Variants in LRGUK observed in about 807,000 individuals in gnomAD.
The protein encoded by LRGUK is leucine rich repeats and guanylate kinase domain containing.
Under a neutral mutation model 76.0 loss-of-function variants are expected in LRGUK, and 65 were observed. The ratio of observed to expected loss-of-function variants is 0.85; its 90% confidence interval spans 0.70 to 1.05. The LOEUF is 1.05. Among genes scored for constraint, LRGUK ranks in the 50% least tolerant of loss-of-function variants. The probability of loss-of-function intolerance (pLI) is 0.00; values close to 1 mark genes in which losing one functional copy is unlikely to be tolerated. For synonymous variants in LRGUK, 268 were observed against 265.6 expected (o/e 1.01, Z -0.09); for missense variants, 758 against 732.8 (o/e 1.03, Z -0.40).
At chr7:134,156,456 G>A (rs1798463776) in intron 5 of LRGUK, among the ~76,000 whole-genome samples, 1 of 152,102 alleles carries the variant, frequency 6.6e-6, no homozygotes, top group Admixed American at 6.5e-5. Flanking sequence ...TTAAGATATT[G>A]ATTTAATGTG....
At chr7:134,185,465 A>T (rs1799946864) in intron 11 of LRGUK, among the ~76,000 whole-genome samples, 1 of 151,762 alleles carries the variant, frequency 6.6e-6, no homozygotes, top group South Asian at 2.1e-4. Flanking sequence ...GGAGGCTGAG[A>T]CATGAGAATC....
At chr7:134,268,030 C>G (rs951313065), downstream of LRGUK, among the ~76,000 whole-genome samples, 18 of 152,094 alleles carry the variant, frequency 1.2e-4, no homozygotes, top group Non-Finnish European at 2.1e-4. Flanking sequence ...CACTAAATGC[C>G]TACATTAGGC....
At chr7:134,169,133 GACACACACACACACAC>G (rs36204942) in intron 7 of LRGUK, among the ~76,000 whole-genome samples, 4,359 of 135,516 alleles carry the variant, frequency 0.032, 113 homozygotes, top group Non-Finnish European at 0.044. Flanking sequence ...AAGGGAAGAA[GACACACACACACACAC>G]ACACACACAC....
intron 5 of LRGUK, among the ~76,000 whole-genome samples, chr7:134,150,058 G>A (rs1206700890): frequency 2.0e-5 from 3 of 152,082 alleles, no homozygotes; most frequent in African/African-American, 7.2e-5. Flanking sequence ...GGCAGATCAC[G>A]AGGTCAAGAG....
chr7:134,149,908 C>G (rs1235772697), intron 5 of LRGUK, among the ~76,000 whole-genome samples: 1 of 152,084 alleles, frequency 6.6e-6, no homozygotes, highest in African/African-American at 2.4e-5. Context: ...CATTGCAGAC[C>G]TAAGAAATCA....
intron 15 of LRGUK, among the ~76,000 whole-genome samples, chr7:134,206,001 C>A (rs1028964528): frequency 6.6e-6 from 1 of 152,144 alleles, no homozygotes; most frequent in African/African-American, 2.4e-5. Context: ...ACTAAGAGTA[C>A]AAGCTGAATT....
intron 16 of LRGUK, among the ~76,000 whole-genome samples, chr7:134,226,368 G>A (rs1255992206): frequency 6.6e-6 from 1 of 151,984 alleles, no homozygotes; most frequent in Non-Finnish European, 1.5e-5. Flanking sequence ...TGTACATGAG[G>A]CCTTCTCTAT....
intron 16 of LRGUK, among the ~76,000 whole-genome samples, chr7:134,227,814 T>A (rs1305332370): frequency 1.3e-5 from 2 of 152,052 alleles, no homozygotes; most frequent in Admixed American, 6.6e-5. Context: ...GACTGAAAAG[T>A]TGATAAGAAA....
chr7:134,251,105 C>A lies in LRGUK; in HGVS notation c.2198+2029C>A, dbSNP rs187388481. 2.0e-4 allele frequency among the ~76,000 whole-genome samples: 30 copies of A among 152,276 alleles called. No individual in the cohort carries two copies. In the East Asian group the frequency reaches 5.4e-3, roughly 27 times the overall value. On this transcript the variant is annotated intron_variant, in intron 18 of 19. Coordinates refer to the LRGUK transcript ENST00000285928. Reference sequence around the variant, plus strand: ...ATGTGTTATGGTTTGAGCTGTCCCCCATTCCCCCAATTTCATATGTTGGAG... The same window carrying A: ...ATGTGTTATGGTTTGAGCTGTCCCCAATTCCCCCAATTTCATATGTTGGAG...
intron 15 of LRGUK, among the ~76,000 whole-genome samples, 173 bp from the exon 16 acceptor site, chr7:134,221,606 T>C (rs923364681): frequency 3.9e-5 from 6 of 152,178 alleles, no homozygotes; most frequent in Non-Finnish European, 8.8e-5. Context: ...GATTTTATTA[T>C]TATGAGTTAT....
At chr7:134,258,572 A>G (rs1334261032) in intron 19 of LRGUK, among the ~76,000 whole-genome samples, 167 bp downstream of exon 19, 1 of 151,668 alleles carries the variant, frequency 6.6e-6, no homozygotes, top group African/African-American at 2.4e-5. Flanking sequence ...GGTGGTGGGC[A>G]CCTGTAGTCC....
intron 16 of LRGUK, among the ~76,000 whole-genome samples, chr7:134,237,413 A>T (rs2598258): frequency 0.072 from 10,978 of 152,192 alleles, 974 homozygotes; most frequent in African/African-American, 0.2. Flanking sequence ...ACCAGTTAAT[A>T]TTAAATTATC....
rs561498697 is a variant in LRGUK at position 134,201,829 on chromosome 7, C to T, written c.1843+253C>T. Among the ~76,000 whole-genome samples the T allele has an allele frequency of 2.6e-5, 4 of 152,194 alleles. No homozygotes were observed. In the East Asian group the frequency reaches 7.7e-4, roughly 29 times the overall value. ...AGGAACAGGCTAGGCAGTGCCTTGG[C>T]GGAGGTAATAGATAAGGGTTAACCT... On this transcript the variant is annotated intron_variant, in intron 15 of 15. Coordinates refer to ENST00000645682, the Ensembl canonical transcript of LRGUK.
intron 1 of LRGUK, among the ~76,000 whole-genome samples, chr7:134,134,951 A>C (rs1246236329): frequency 6.6e-6 from 1 of 152,164 alleles, no homozygotes; most frequent in Non-Finnish European, 1.5e-5. Context: ...TATTAAAAGA[A>C]GGTGTTGGGA....
At chr7:134,264,606 C>G (rs1802823364), downstream of LRGUK, 1 of 152,178 alleles carries the variant, frequency 6.6e-6, no homozygotes, top group East Asian at 1.9e-4. Flanking sequence ...TTTCACCCTT[C>G]TTTGACTCTG....
At chr7:134,152,422 A>G (rs1204366215) in intron 5 of LRGUK, among the ~76,000 whole-genome samples, 3 of 152,078 alleles carry the variant, frequency 2.0e-5, no homozygotes, top group Non-Finnish European at 4.4e-5. Context: ...GATGGGCAAA[A>G]TAAAAGATGA....
intron 16 of LRGUK, among the ~76,000 whole-genome samples, chr7:134,245,358 T>C (rs1240972805): frequency 6.6e-6 from 1 of 151,412 alleles, no homozygotes; most frequent in Non-Finnish European, 1.5e-5. Context: ...GGCATTCCCC[T>C]GTTTCCAGGT....
At chr7:134,271,849 T>C in the LRGUK span, among the ~76,000 whole-genome samples, 1 of 152,128 alleles carries the variant, frequency 6.6e-6, no homozygotes, top group African/African-American at 2.4e-5. Flanking sequence ...TTATATTTTC[T>C]CCGTCTGGTG....
the LRGUK span, among the ~76,000 whole-genome samples, chr7:134,275,301 AT>A: frequency 1.3e-5 from 2 of 152,142 alleles, no homozygotes; most frequent in African/African-American, 4.8e-5. Flanking sequence ...AGTAATTTAA[AT>A]GTTTACTACC....
Sources: allele counts gnomAD v4.1 joint callset (sites outside exome capture counted in the v4.1 genomes callset), GRCh38; gene constraint gnomAD v4.1.1; transcripts MANE v1.5; gene names NCBI Gene and HGNC (gene_info 2026-07-23, HGNC 2026-07-21).